Variants in RIC1 observed in about 807,000 individuals in gnomAD.
RIC1 encodes the protein guanine nucleotide exchange factor subunit RIC1.
Under a neutral mutation model 169.0 loss-of-function variants are expected in RIC1, and 88 were observed. The ratio of observed to expected loss-of-function variants is 0.52; its 90% confidence interval spans 0.44 to 0.62. RIC1 has a LOEUF of 0.62. RIC1 is among the 20% of genes least tolerant of loss of function. The pLI is 0.00. For missense variants in RIC1, 1,877 were observed against 1,725.5 expected (o/e 1.09, Z -1.56); for synonymous variants, 790 against 601.5 (o/e 1.31, Z -4.59).
At chr9:5,766,138 T>G (rs947596505) in intron 21 of RIC1, among the ~76,000 whole-genome samples, 1 of 152,078 alleles carries the variant, frequency 6.6e-6, no homozygotes, top group African/African-American at 2.4e-5. Flanking sequence ...GCCTTACAGG[T>G]TCAAGCGATT....
intron 2 of RIC1, among the ~76,000 whole-genome samples, chr9:5,666,788 A>G (rs1173155119): frequency 7.4e-6 from 1 of 135,278 alleles, no homozygotes; most frequent in African/African-American, 2.6e-5. Context: ...TATTCACACA[A>G]TATATTGATT....
At chr9:5,642,343 G>A (rs779754772) in intron 1 of RIC1, among the ~76,000 whole-genome samples, 1 of 143,634 alleles carries the variant, frequency 7.0e-6, no homozygotes, top group Non-Finnish European at 1.5e-5. Context: ...GGTTAGACCT[G>A]AAGCCAGCAG....
intron 2 of RIC1, among the ~76,000 whole-genome samples, chr9:5,665,252 C>G (rs1819685211): frequency 6.6e-6 from 1 of 150,688 alleles, no homozygotes; most frequent in Non-Finnish European, 1.5e-5. Context: ...GCTTATCTCT[C>G]ACATTGTCAG....
Position 5,763,085 on chromosome 9 carries a change from A to G in RIC1, c.2113-55A>G. On this transcript the variant is annotated intron_variant, in intron 18 of 25. Transcript: ENST00000414202. The surrounding 1 kb of genome is among the most constrained non-coding windows in gnomAD (Gnocchi z 5.2). ...TTAGTAAACTAGTACCTAGGAACTT[A>G]AGAACCTGCAGATTTAATAGGAAAA... 1.3e-6 allele frequency: 2 copies of G among 1,569,782 alleles called. No homozygotes were observed.
At chr9:5,712,235 C>T (rs1366064415) in intron 3 of RIC1, among the ~76,000 whole-genome samples, 2 of 152,278 alleles carry the variant, frequency 1.3e-5, no homozygotes, top group Admixed American at 6.5e-5. Flanking sequence ...TCTCCAGCAC[C>T]TGTTGTTTCC....
intron 2 of RIC1, among the ~76,000 whole-genome samples, chr9:5,688,492 T>G (rs895969698): frequency 2.0e-5 from 3 of 152,194 alleles, no homozygotes; most frequent in African/African-American, 7.2e-5. Flanking sequence ...TTTGTTATGA[T>G]TTGATTTGAA....
intron 2 of RIC1, among the ~76,000 whole-genome samples, chr9:5,677,224 G>C (rs765690996): frequency 6.6e-6 from 1 of 152,186 alleles, no homozygotes; most frequent in Non-Finnish European, 1.5e-5. Context: ...CATTCTGGTA[G>C]TGGTGTAGTG....
At chr9:5,710,531 C>G (rs1822867126) in intron 3 of RIC1, among the ~76,000 whole-genome samples, 1 of 152,162 alleles carries the variant, frequency 6.6e-6, no homozygotes, top group Admixed American at 6.5e-5. Context: ...CTGCTGAAGT[C>G]CACCAGTTGA....
At chr9:5,659,513 C>G (rs1218959127) in intron 2 of RIC1, among the ~76,000 whole-genome samples, 2 of 152,050 alleles carry the variant, frequency 1.3e-5, no homozygotes, top group African/African-American at 4.8e-5. Context: ...TGAGCCAGTC[C>G]CTAAGATGCT....
chr9:5,719,192 C>T (rs1388953061), intron 4 of RIC1: 1 of 151,974 alleles, frequency 6.6e-6, no homozygotes, highest in Non-Finnish European at 1.5e-5. Context: ...TTGTCTTTTT[C>T]TTTGTGCCAG....
intron 3 of RIC1, among the ~76,000 whole-genome samples, chr9:5,709,199 C>A (rs1822782102): frequency 6.6e-6 from 1 of 152,104 alleles, no homozygotes; most frequent in Non-Finnish European, 1.5e-5. Context: ...TGTGGCCACA[C>A]CTAATTTTAA....
chr9:5,693,652 C>T (rs975555549), intron 3 of RIC1, among the ~76,000 whole-genome samples: 2 of 151,976 alleles, frequency 1.3e-5, no homozygotes, highest in African/African-American at 4.8e-5. Flanking sequence ...AAGGAAACTT[C>T]CAGGGATAAG....
intron 3 of RIC1, among the ~76,000 whole-genome samples, chr9:5,692,485 T>C (rs772331453): frequency 6.6e-6 from 1 of 152,100 alleles, no homozygotes; most frequent in Non-Finnish European, 1.5e-5. Context: ...TATATACATA[T>C]ATATCTACTT....
chr9:5,682,102 G>C (rs1049054586), intron 2 of RIC1, among the ~76,000 whole-genome samples: 5 of 152,042 alleles, frequency 3.3e-5, no homozygotes, highest in Admixed American at 6.5e-5. Context: ...TGGGTCTTGA[G>C]TCTTTATCCA....
At chr9:5,762,888 C>T (rs1257423171) in intron 18 of RIC1, among the ~76,000 whole-genome samples, 3 of 152,118 alleles carry the variant, frequency 2.0e-5, no homozygotes, top group Admixed American at 6.5e-5. Flanking sequence ...AGGCATCATT[C>T]ATTGCAAATT....
At chr9:5,669,124 G>C (rs538698218) in intron 2 of RIC1, among the ~76,000 whole-genome samples, 18 of 152,228 alleles carry the variant, frequency 1.2e-4, no homozygotes, top group South Asian at 2.1e-4. Context: ...TATTTCTTCT[G>C]ATGGGTGGTC....
At chr9:5,773,829 GCCT>G in intron 25 of RIC1, 126 bp from the exon 26 acceptor site, 1 of 824,464 alleles carries the variant, frequency 1.2e-6, no homozygotes, top group East Asian at 2.7e-5. Flanking sequence ...TACCTTCTTT[GCCT>G]CCTCTCTCCC....
chr9:5,770,653 GTTT>G (rs1827150093), intron 23 of RIC1, among the ~76,000 whole-genome samples: 1 of 152,034 alleles, frequency 6.6e-6, no homozygotes, highest in Non-Finnish European at 1.5e-5. Flanking sequence ...TCATTTTTAT[GTTT>G]TTTATTTATT....
intron 15 of RIC1, among the ~76,000 whole-genome samples, chr9:5,755,270 C>T (rs987708063): frequency 1.3e-5 from 2 of 152,130 alleles, no homozygotes; most frequent in African/African-American, 4.8e-5. Flanking sequence ...TTTACAGTAA[C>T]CCCTCCTTAA....
Sources: gnomAD v4.1 joint callset for allele counts (sites outside exome capture counted in the v4.1 genomes callset) on GRCh38, gnomAD v4.1.1 for gene constraint, Gnocchi (gnomAD v3.1) non-coding constraint, MANE v1.5 for transcripts, NCBI Gene and HGNC (gene_info 2026-07-23, HGNC 2026-07-21) for gene names.